The following MACROD1 variants were observed in gnomAD, a reference collection of about 807,000 sequenced individuals.
MACROD1 encodes the protein ADP-ribose glycohydrolase MACROD1.
In MACROD1, 31 loss-of-function variants were observed where a neutral mutation model predicts 41.4. The ratio of observed to expected loss-of-function variants is 0.75; its 90% CI spans 0.56 to 1.01. MACROD1 has a LOEUF of 1.01. Ranked by LOEUF, MACROD1 falls within the 50% of genes least tolerant of loss-of-function variation. The probability of loss-of-function intolerance (pLI) is 0.00; values close to 1 mark genes in which losing one functional copy is unlikely to be tolerated. For missense variants in MACROD1, 473 were observed against 460.0 expected (o/e 1.03, Z -0.26); for synonymous variants, 252 against 203.4 (o/e 1.24, Z -2.03).
intron 3 of MACROD1, chr11:64,116,309 C>T: frequency 3.7e-6 from 6 of 1,607,878 alleles, no homozygotes; most frequent in Non-Finnish European, 5.1e-6. Flanking sequence ...CCACCACGCC[C>T]ACTGCCACTG....
chr11:64,011,768 C>T (rs944480477), intron 4 of MACROD1, among the ~76,000 whole-genome samples: 54 of 151,576 alleles, frequency 3.6e-4, no homozygotes, highest in African/African-American at 1.2e-3. Flanking sequence ...ATGGGAGGGG[C>T]GCGGGTAGAG....
intron 3 of MACROD1, among the ~76,000 whole-genome samples, chr11:64,078,332 C>T (rs1944241222): frequency 6.6e-6 from 1 of 152,242 alleles, no homozygotes; most frequent in African/African-American, 2.4e-5. Flanking sequence ...TGCAGGCCTG[C>T]CTCCCCTCCC....
intron 3 of MACROD1, among the ~76,000 whole-genome samples, chr11:64,127,683 G>T (rs1013016369): frequency 2.0e-5 from 3 of 152,230 alleles, no homozygotes; most frequent in Non-Finnish European, 4.4e-5. Context: ...ACTCCGAGGG[G>T]TCTCTACATG....
intron 3 of MACROD1, among the ~76,000 whole-genome samples, chr11:64,129,320 C>G (rs889214315): frequency 6.6e-6 from 1 of 152,254 alleles, no homozygotes; most frequent in Non-Finnish European, 1.5e-5. Flanking sequence ...CACCTCCATG[C>G]GTACATGATA....
At chr11:64,121,899 C>T (rs942760177) in intron 3 of MACROD1, among the ~76,000 whole-genome samples, 1 of 151,896 alleles carries the variant, frequency 6.6e-6, no homozygotes, top group African/African-American at 2.4e-5. Flanking sequence ...GTGGTTTACC[C>T]TTCGTGGTAA....
chr11:64,016,717 A>C (rs1943086373), intron 3 of MACROD1, among the ~76,000 whole-genome samples: 1 of 152,206 alleles, frequency 6.6e-6, no homozygotes, highest in Admixed American at 6.5e-5. Flanking sequence ...GCAGCTAATT[A>C]AGATGGAGAG....
chr11:64,108,760 A>G (rs632603), intron 3 of MACROD1, among the ~76,000 whole-genome samples: 41,834 of 152,156 alleles, frequency 0.27, 6,545 homozygotes, highest in African/African-American at 0.44. Context: ...GGGGAGACAC[A>G]TGAATTATTG....
chr11:64,003,938 C>T (rs1257928896), intron 4 of MACROD1, among the ~76,000 whole-genome samples: 1 of 152,246 alleles, frequency 6.6e-6, no homozygotes. Context: ...CTGCCCCCAG[C>T]GCTGACGGCT....
intron 3 of MACROD1, among the ~76,000 whole-genome samples, chr11:64,021,114 C>T (rs1042763512): frequency 6.6e-6 from 1 of 152,178 alleles, no homozygotes; most frequent in Non-Finnish European, 1.5e-5. Flanking sequence ...ACAGCAGGTG[C>T]CCACTAATGA....
intron 1 of MACROD1, among the ~76,000 whole-genome samples, chr11:64,157,846 A>T (rs949494418): frequency 6.6e-6 from 1 of 152,178 alleles, no homozygotes; most frequent in African/African-American, 2.4e-5. Context: ...CCCAGAATGC[A>T]GCGGCATTTA....
chr11:64,065,437 C>T (rs917136055), intron 3 of MACROD1, among the ~76,000 whole-genome samples: 2 of 152,164 alleles, frequency 1.3e-5, no homozygotes, highest in African/African-American at 2.4e-5. Context: ...AGAACATTTA[C>T]TGAGGCTCCA....
intron 3 of MACROD1, among the ~76,000 whole-genome samples, chr11:64,110,649 C>T (rs1017220074): frequency 2.6e-5 from 4 of 151,994 alleles, no homozygotes; most frequent in Non-Finnish European, 5.9e-5. Context: ...CTGCTCCCTT[C>T]GCCCACCCCC....
At chr11:64,153,182 G>A (rs1945610666) in intron 1 of MACROD1, among the ~76,000 whole-genome samples, 1 of 152,086 alleles carries the variant, frequency 6.6e-6, no homozygotes, top group Non-Finnish European at 1.5e-5. Flanking sequence ...CAGAAACCTG[G>A]AACCCGTCTC....
At chr11:64,040,937 T>C (rs1383113449) in intron 3 of MACROD1, among the ~76,000 whole-genome samples, 2 of 152,058 alleles carry the variant, frequency 1.3e-5, no homozygotes, top group Non-Finnish European at 2.9e-5. Flanking sequence ...CAGGCTCTGC[T>C]TCAAGGGGTC....
rs1020301013 is a variant in MACROD1 at position 64,067,162 on chromosome 11, C to T, written c.518-51881G>A. Among the ~76,000 whole-genome samples, 6 of 152,076 alleles carry T rather than the reference C, an allele frequency of 3.9e-5. No individual in the cohort carries two copies. Among genetic ancestry groups the T allele is most frequent in the African/African-American group, 9.7e-5 (4 of 41,404 alleles). On this transcript the variant is annotated intron_variant, in intron 3 of 10. Coordinates refer to ENST00000255681, the MANE Select transcript of MACROD1 (RefSeq NM_014067.4). The surrounding 1 kb of genome is among the most constrained non-coding windows in gnomAD (Gnocchi z 4.6). ...GGCAGGGCTGGTGGGGGTGGGAGGC[C>T]GGCCATACCCACCTGTAGGCACATG...
intron 3 of MACROD1, among the ~76,000 whole-genome samples, chr11:64,048,974 A>G (rs1343584379): frequency 1.3e-5 from 2 of 152,214 alleles, no homozygotes; most frequent in Non-Finnish European, 2.9e-5. Flanking sequence ...TTTTAGAGCC[A>G]AGGAAACTGA....
intron 3 of MACROD1, among the ~76,000 whole-genome samples, chr11:64,142,289 G>T (rs1008595157): frequency 6.6e-6 from 1 of 152,146 alleles, no homozygotes; most frequent in African/African-American, 2.4e-5. Flanking sequence ...GACCATGCTG[G>T]GAAGCCAAGG....
intron 4 of MACROD1, among the ~76,000 whole-genome samples, chr11:64,014,253 C>T (rs1590801113): frequency 6.6e-6 from 1 of 152,244 alleles, no homozygotes; most frequent in South Asian, 2.1e-4. Flanking sequence ...GGACCACAGT[C>T]CCCGGCAAAG....
intron 3 of MACROD1, among the ~76,000 whole-genome samples, chr11:64,104,369 C>CAGCTTCTGCTTGCCGGCATA (rs1179709663): frequency 6.6e-6 from 1 of 152,132 alleles, no homozygotes; most frequent in Non-Finnish European, 1.5e-5. Flanking sequence ...ATGCAGCTGG[C>CAGCTTCTGCTTGCCGGCATA]AGCTTCTGCT....
Sources: allele counts gnomAD v4.1 joint callset (sites outside exome capture counted in the v4.1 genomes callset), GRCh38; gene constraint gnomAD v4.1.1; non-coding constraint Gnocchi (gnomAD v3.1); transcripts MANE v1.5; gene names NCBI Gene and HGNC (gene_info 2026-07-23, HGNC 2026-07-21).